Variants in INTS9 observed in about 807,000 individuals in gnomAD.
INTS9 encodes integrator complex subunit 9.
Under a neutral mutation model 79.7 loss-of-function variants are expected in INTS9, and 55 were observed. The ratio of observed to expected loss-of-function variants is 0.69; its 90% CI spans 0.56 to 0.86. The LOEUF (loss-of-function observed/expected upper bound fraction) is 0.86. INTS9 is among the 40% of genes least tolerant of loss of function. The probability of loss-of-function intolerance (pLI) is 0.00; values close to 1 mark genes in which losing one functional copy is unlikely to be tolerated. For synonymous variants in INTS9, 319 were observed against 325.2 expected (o/e 0.98, Z 0.20); for missense variants, 721 against 831.5 (o/e 0.87, Z 1.64).
chr8:28,886,422 A>G (rs1810179370), intron 1 of INTS9, among the ~76,000 whole-genome samples: 1 of 151,942 alleles, frequency 6.6e-6, no homozygotes. Context: ...TAGTTTTTGT[A>G]TCTTTTGTAA....
chr8:28,813,101 G>A (rs1330257181), intron 7 of INTS9, among the ~76,000 whole-genome samples: 4 of 152,162 alleles, frequency 2.6e-5, no homozygotes, highest in Admixed American at 2.6e-4. Context: ...GGCCCTTGTT[G>A]TTCGGTACTG....
intron 14 of INTS9, among the ~76,000 whole-genome samples, chr8:28,772,380 G>A (rs936241635): frequency 6.6e-6 from 1 of 152,136 alleles, no homozygotes; most frequent in African/African-American, 2.4e-5. Flanking sequence ...TAGGATTGGT[G>A]GCATGTGCCT....
rs1227649815 is a variant in INTS9, at chr8:28,885,152, C to A, written c.9+4722G>T. On this transcript the variant is annotated intron_variant, in intron 1 of 16. Coordinates refer to ENST00000521022, the MANE Select transcript of INTS9 (RefSeq NM_018250.4). The stretch of plus-strand genomic sequence containing the variant: ...AGAAATGGCAAGTTAAAAGTTTGAG[C>A]CAGTAGAAATGAAACAGCATTTTGA... Among the ~76,000 whole-genome samples the A allele has an allele frequency of 2.0e-5, 3 of 152,284 alleles. No homozygotes were observed. The East Asian group carries it at 5.8e-4, about 29-fold the overall frequency.
chr8:28,778,586 T>C (rs1202850318), intron 12 of INTS9, among the ~76,000 whole-genome samples: 3 of 152,016 alleles, frequency 2.0e-5, no homozygotes, highest in Non-Finnish European at 1.5e-5. Flanking sequence ...CCCCAGCCCC[T>C]CAGACCGGGA....
intron 8 of INTS9, among the ~76,000 whole-genome samples, chr8:28,802,085 T>C (rs756319501): frequency 4.6e-5 from 7 of 152,208 alleles, no homozygotes; most frequent in African/African-American, 1.7e-4. Context: ...ATTCCCACAG[T>C]GAAGAATAAA....
chr8:28,878,534 C>T (rs1198707400), intron 1 of INTS9, among the ~76,000 whole-genome samples: 2 of 150,948 alleles, frequency 1.3e-5, no homozygotes, highest in Non-Finnish European at 2.9e-5. Flanking sequence ...GTTGCCCAGG[C>T]TGGACTCAAA....
At chr8:28,836,005 T>A (rs2131180112) in intron 5 of INTS9, among the ~76,000 whole-genome samples, 1 of 152,260 alleles carries the variant, frequency 6.6e-6, no homozygotes, top group Admixed American at 6.5e-5. Context: ...AGACGGGGTT[T>A]CACTATGTTG....
intron 1 of INTS9, among the ~76,000 whole-genome samples, chr8:28,881,638 C>T (rs1809821750): frequency 4.2e-5 from 5 of 118,826 alleles, no homozygotes; most frequent in East Asian, 2.7e-4. Flanking sequence ...CGCCTCTGCC[C>T]GGCCGCCCCT....
chr8:28,834,975 C>T (rs1338410111), intron 6 of INTS9, among the ~76,000 whole-genome samples: 1 of 152,204 alleles, frequency 6.6e-6, no homozygotes. Flanking sequence ...CCGCGCCTAG[C>T]TGGCAAACAC....
At chr8:28,859,764 A>C in intron 1 of INTS9, 1 of 655,228 alleles carries the variant, frequency 1.5e-6, no homozygotes, top group Non-Finnish European at 2.8e-6. Context: ...CTCAGATCAC[A>C]CCCATCTGTC....
intron 1 of INTS9, among the ~76,000 whole-genome samples, chr8:28,882,044 C>T (rs1394196757): frequency 2.8e-5 from 4 of 142,934 alleles, no homozygotes; most frequent in South Asian, 2.3e-4. Flanking sequence ...ATTGAGAAAT[C>T]GGATGGTTGC....
chr8:28,824,180 G>A (rs1444621449), intron 6 of INTS9, among the ~76,000 whole-genome samples: 2 of 152,292 alleles, frequency 1.3e-5, no homozygotes, highest in African/African-American at 2.4e-5. Flanking sequence ...AGGGCAACAG[G>A]ATGCCAAAAG....
At chr8:28,862,667 T>C (rs1808524010) in intron 1 of INTS9, among the ~76,000 whole-genome samples, 1 of 152,232 alleles carries the variant, frequency 6.6e-6, no homozygotes, top group South Asian at 2.1e-4. Context: ...ACAATGTCAT[T>C]GGTAATATAT....
intron 1 of INTS9, among the ~76,000 whole-genome samples, chr8:28,881,986 G>A (rs1417878972): frequency 5.0e-4 from 72 of 145,250 alleles, no homozygotes; most frequent in African/African-American, 1.7e-3. Context: ...GGGCCATGAT[G>A]ACAATGGCGG....
At chr8:28,847,388 T>G (rs2131241048) in intron 3 of INTS9, among the ~76,000 whole-genome samples, 1 of 151,570 alleles carries the variant, frequency 6.6e-6, no homozygotes, top group South Asian at 2.1e-4. Context: ...AAACAGGGAT[T>G]CAACATCTAC....
At chr8:28,792,448 TA>T (rs1245211729) in intron 10 of INTS9, among the ~76,000 whole-genome samples, 63 of 150,470 alleles carry the variant, frequency 4.2e-4, no homozygotes, top group Non-Finnish European at 1.6e-4. Context: ...CAAAAGAGAC[TA>T]AAACTATCAG....
chr8:28,881,160 T>G (rs1809754414), intron 1 of INTS9, among the ~76,000 whole-genome samples: 1 of 141,790 alleles, frequency 7.1e-6, no homozygotes, highest in Non-Finnish European at 1.5e-5. Context: ...GGCCGCCCCG[T>G]CCGGGAGGTG....
intron 8 of INTS9, among the ~76,000 whole-genome samples, chr8:28,802,002 T>C (rs597866): frequency 0.78 from 119,015 of 152,098 alleles, 46,751 homozygotes; most frequent in Non-Finnish European, 0.8. Flanking sequence ...AGTACAGGTG[T>C]GGGAATTGTG....
rs1362509869 is a variant in INTS9 at position 28,769,979 on chromosome 8, C to G, written c.1710G>C (p.Arg570=). ...AQPTSGKKRK[R]VSDDVPDCKV... is the part of the protein sequence containing the mutation. ...TGCAGTCTGGTACGTCATCGCTCAC[C>G]CGCTTTCTCTTCTTCCCGCTCGTGG... The change falls in exon 16 of 17, where the codon CGG becomes CGC. Residue 570 remains arginine, a synonymous_variant. Transcript: ENST00000521022. The G allele has an allele frequency of 6.2e-7, 1 of 1,614,198 alleles. No homozygotes were observed. The highest frequency in any genetic ancestry group is 8.5e-7 in the Non-Finnish European group (1 of 1,180,040).
Sources: gnomAD v4.1 joint callset for allele counts (sites outside exome capture counted in the v4.1 genomes callset) on GRCh38, gnomAD v4.1.1 for gene constraint, MANE v1.5 for transcripts, NCBI Gene and HGNC (gene_info 2026-07-23, HGNC 2026-07-21) for gene names.